RPS6KA6: variants seen among roughly 807,000 people sequenced by gnomAD.
RPS6KA6 encodes ribosomal protein S6 kinase alpha-6.
In RPS6KA6, 27 loss-of-function variants were observed where a neutral mutation model predicts 65.4. The ratio of observed to expected loss-of-function variants is 0.41; its 90% CI spans 0.30 to 0.57. The LOEUF is 0.57. Ranked by LOEUF, RPS6KA6 falls within the 20% of genes least tolerant of loss-of-function variation. RPS6KA6 has a pLI of 0.24. For synonymous variants in RPS6KA6, 190 were observed against 184.2 expected, an observed-to-expected ratio of 1.03 and a Z score of -0.26; for missense variants, 486 against 555.6, an observed-to-expected ratio of 0.87 and a Z score of 1.26.
chrX:84,092,569 C>G (rs1602396756), intron 20 of RPS6KA6, among the ~76,000 whole-genome samples: 1 of 109,332 alleles, frequency 9.1e-6, no homozygotes, highest in East Asian at 2.9e-4. Context: ...TTGCAGTGAG[C>G]CGAGGTCACG....
rs953659213 is a variant in RPS6KA6 at position 84,062,289 on chromosome X, C to T, written c.*1988G>A. On this transcript the variant is annotated 3_prime_UTR_variant, in exon 22 of 22. Coordinates refer to ENST00000262752, the MANE Select transcript of RPS6KA6 (RefSeq NM_014496.5). ...GTAATCATTTTTCATTTTCTGATTT[C>T]ACTTCCCCTAATTTTATTACTTAAA... is the stretch of plus-strand genomic sequence containing the variant. 4.5e-5 allele frequency: 5 copies of T among 111,521 alleles called. No homozygotes were observed. The highest frequency in any genetic ancestry group is 1.9e-5 in the Non-Finnish European group (1 of 53,019). The allele number at this position is 111,521 out of a possible 1,213,427, so 9.2% of individuals were successfully genotyped here.
chrX:84,140,758 C>T (rs866111015), intron 6 of RPS6KA6, among the ~76,000 whole-genome samples: 6 of 79,334 alleles, frequency 7.6e-5, no homozygotes, highest in East Asian at 4.9e-4. Flanking sequence ...AAAAAACATA[C>T]ATATATATAT....
chrX:84,084,481 G>A (rs1242606733), intron 20 of RPS6KA6, among the ~76,000 whole-genome samples: 1 of 111,880 alleles, frequency 8.9e-6, no homozygotes, highest in Non-Finnish European at 1.9e-5. Context: ...TTTCCCCATT[G>A]CTTGTTTTTC....
intron 2 of RPS6KA6, among the ~76,000 whole-genome samples, chrX:84,159,513 A>G (rs2035476791): frequency 9.0e-6 from 1 of 110,537 alleles, no homozygotes; most frequent in Admixed American, 9.7e-5. Context: ...CCATATATGC[A>G]CTCTTATTAT....
intron 1 of RPS6KA6, among the ~76,000 whole-genome samples, chrX:84,179,600 TGTCTTTTTTGAAA>T: frequency 8.9e-6 from 1 of 111,968 alleles, no homozygotes; most frequent in Non-Finnish European, 1.9e-5. Flanking sequence ...TGAATGACCA[TGTCTTTTTTGAAA>T]ATCCGTATTG....
intron 12 of RPS6KA6, among the ~76,000 whole-genome samples, chrX:84,110,694 G>A (rs759879636): frequency 9.9e-5 from 11 of 111,370 alleles, no homozygotes; most frequent in African/African-American, 1.6e-4. Flanking sequence ...CGGCGGCAGG[G>A]GGTGAACCAC....
chrX:84,089,542 CCCCACTGAGA>C (rs1444073450), intron 20 of RPS6KA6, among the ~76,000 whole-genome samples: 1 of 111,276 alleles, frequency 9.0e-6, no homozygotes, highest in Non-Finnish European at 1.9e-5. Context: ...TCAGCAGCTG[CCCCACTGAGA>C]CTCCTCACAG....
intron 20 of RPS6KA6, among the ~76,000 whole-genome samples, chrX:84,077,511 A>G (rs569169506): frequency 8.9e-6 from 1 of 111,738 alleles, no homozygotes; most frequent in Admixed American, 9.5e-5. Context: ...TGAAGAAAGG[A>G]TATTATTTTC....
rs772219282 is a variant in RPS6KA6 at position 84,156,142 on chromosome X, C to A, written c.191G>T (p.Gly64Val). ...EIPITHHVKE[G>V]YEKADPAQFE... ...CTGTGCAGGATCTGCTTTCTCATAG[C>A]CTTCCTTAACATGATGAGTAATAGG... is the stretch of plus-strand genomic sequence containing the variant. Residue 64 changes from glycine (G) to valine (V), a missense_variant, in exon 3 of 22, where the codon GGC (glycine) becomes GTC (valine). Around this residue, in one of 3 missense-constraint regions of RPS6KA6, gnomAD observed 106 missense variants for 105.0 expected, o/e 1.01. Coordinates refer to ENST00000262752, the MANE Select transcript of RPS6KA6 (RefSeq NM_014496.5). 7 of 1,193,518 alleles carry A rather than the reference C, an allele frequency of 5.9e-6. No individual in the cohort carries two copies. The East Asian group carries it at 2.1e-4, about 35-fold the overall frequency.
intron 12 of RPS6KA6, among the ~76,000 whole-genome samples, chrX:84,108,427 G>T (rs2147440025): frequency 9.0e-6 from 1 of 111,681 alleles, no homozygotes; most frequent in South Asian, 3.7e-4. Context: ...AATAAATATT[G>T]ACACTTCAAG....
chrX:84,172,384 C>T (rs1001249450), intron 1 of RPS6KA6, among the ~76,000 whole-genome samples: 1 of 111,831 alleles, frequency 8.9e-6, no homozygotes, highest in African/African-American at 3.3e-5. Flanking sequence ...ACCCTCTCAA[C>T]ATGAATTATC....
chrX:84,073,907 C>A (rs958222064), intron 20 of RPS6KA6, among the ~76,000 whole-genome samples: 1 of 110,720 alleles, frequency 9.0e-6, no homozygotes, highest in Non-Finnish European at 1.9e-5. Context: ...ATGGGAAATG[C>A]GCTATACTAT....
At chrX:84,114,230 G>A (rs1274200934) in intron 12 of RPS6KA6, among the ~76,000 whole-genome samples, 1 of 111,273 alleles carries the variant, frequency 9.0e-6, no homozygotes, top group Non-Finnish European at 1.9e-5. Flanking sequence ...GTTCACGCCT[G>A]TAATCTCAGC....
At position 84,106,407 on chromosome X, in the gene RPS6KA6, C is replaced by T; in HGVS notation, c.1323G>A (p.Lys441=). The change falls in exon 15 of 22, where the codon AAG becomes AAA. Residue 441 remains lysine (K), a synonymous_variant. Transcript: ENST00000262752. ...TGTTGGTAGTTGCATGTATGCATCG[C>T]TTGCAAACAGAGTAGGAGCCAACAC... is the stretch of plus-strand genomic sequence containing the variant. ...DIGVGSYSVC[K]RCIHATTNME... is the part of the protein sequence containing the mutation. 1 of 1,195,198 alleles carries T rather than the reference C, an allele frequency of 8.4e-7. No homozygotes were observed. The highest frequency in any genetic ancestry group is 1.1e-6 in the Non-Finnish European group (1 of 883,006).
intron 3 of RPS6KA6, among the ~76,000 whole-genome samples, chrX:84,148,360 T>C (rs946327928): frequency 1.8e-5 from 2 of 110,944 alleles, no homozygotes; most frequent in African/African-American, 3.3e-5. Flanking sequence ...CCCACGAATA[T>C]GTACAACTAT....
At chrX:84,112,541 T>C (rs1036867141) in intron 12 of RPS6KA6, among the ~76,000 whole-genome samples, 2 of 111,594 alleles carry the variant, frequency 1.8e-5, no homozygotes, top group Non-Finnish European at 3.8e-5. Context: ...CACAAGTACA[T>C]GGAAATGAAA....
intron 6 of RPS6KA6, among the ~76,000 whole-genome samples, chrX:84,143,206 A>C: frequency 9.0e-6 from 1 of 111,497 alleles, no homozygotes; most frequent in Non-Finnish European, 1.9e-5. Flanking sequence ...TAAGACTAAA[A>C]AAAATTATAA....
chrX:84,157,530 T>A (rs1203620132), intron 2 of RPS6KA6, among the ~76,000 whole-genome samples: 1 of 111,047 alleles, frequency 9.0e-6, no homozygotes, highest in East Asian at 2.8e-4. Context: ...ATTTGGGGAC[T>A]ATATTAAAGT....
intron 2 of RPS6KA6, among the ~76,000 whole-genome samples, chrX:84,159,459 C>T (rs1246920002): frequency 9.0e-6 from 1 of 110,553 alleles, no homozygotes; most frequent in Non-Finnish European, 1.9e-5. Flanking sequence ...TAAAAAAATT[C>T]CCTATCCTGG....
Sources: gnomAD v4.1 joint callset for allele counts (sites outside exome capture counted in the v4.1 genomes callset) on GRCh38, gnomAD v4.1.1 for gene constraint, gnomAD v4.1.1 regional missense constraint, MANE v1.5 for transcripts, NCBI Gene and HGNC (gene_info 2026-07-23, HGNC 2026-07-21) for gene names.